Variants in EXT1 observed in about 807,000 individuals in gnomAD.
The protein encoded by EXT1 is exostosin-1.
A neutral mutation model predicts 82.5 loss-of-function variants in EXT1; 20 were observed. That is an observed-to-expected ratio of 0.24 (90% CI 0.17 to 0.35). EXT1 has a LOEUF of 0.35. EXT1 is among the 10% of genes least tolerant of loss of function. The pLI is 1.00. For synonymous variants in EXT1, 348 were observed against 350.8 expected (o/e 0.99, Z 0.09); for missense variants, 757 against 936.5 (o/e 0.81, Z 2.50).
chr8:118,013,089 C>CAG (rs1258686097), intron 1 of EXT1, among the ~76,000 whole-genome samples: 2 of 151,954 alleles, frequency 1.3e-5, no homozygotes, highest in African/African-American at 4.8e-5. Context: ...GGCTGGAGTA[C>CAG]AGTGGCACAA....
chr8:117,954,835 T>C (rs1337932592), intron 1 of EXT1, among the ~76,000 whole-genome samples: 1 of 152,198 alleles, frequency 6.6e-6, no homozygotes, highest in Admixed American at 6.5e-5. Flanking sequence ...CCTGGAAACC[T>C]ACTTGATATC....
intron 1 of EXT1, among the ~76,000 whole-genome samples, chr8:118,003,579 C>T (rs931546649): frequency 1.3e-5 from 2 of 152,148 alleles, no homozygotes; most frequent in African/African-American, 4.8e-5. Context: ...AGCTCAGATT[C>T]TGCCAATTGT....
intron 1 of EXT1, among the ~76,000 whole-genome samples, chr8:118,072,669 A>C (rs963633250): frequency 6.6e-6 from 1 of 152,130 alleles, no homozygotes; most frequent in Non-Finnish European, 1.5e-5. Context: ...CTGGCTGCAC[A>C]TTTTTTCTGT....
intron 1 of EXT1, among the ~76,000 whole-genome samples, chr8:117,908,316 A>G (rs1235933569): frequency 6.6e-6 from 1 of 152,172 alleles, no homozygotes; most frequent in Non-Finnish European, 1.5e-5. Flanking sequence ...CTCATTTTAC[A>G]ATAGGGTCAG....
At chr8:117,969,512 G>A (rs1325734833) in intron 1 of EXT1, among the ~76,000 whole-genome samples, 4 of 152,104 alleles carry the variant, frequency 2.6e-5, no homozygotes. Context: ...CACTTTTAAG[G>A]CTATTGTGAA....
chr8:117,839,713 C>T (rs1194410421), intron 1 of EXT1, among the ~76,000 whole-genome samples: 1 of 152,182 alleles, frequency 6.6e-6, no homozygotes, highest in Admixed American at 6.5e-5. Context: ...CTAGTTTGAC[C>T]ACGTGCTTGA....
intron 1 of EXT1, among the ~76,000 whole-genome samples, chr8:118,093,646 A>G (rs1439722049): frequency 2.0e-5 from 3 of 152,236 alleles, no homozygotes; most frequent in African/African-American, 7.2e-5. Flanking sequence ...TTGGTGGCCA[A>G]CACGGTATCA....
intron 1 of EXT1, 98 bp from the exon 2 acceptor site, chr8:117,837,299 G>C: frequency 1.0e-6 from 1 of 994,206 alleles, no homozygotes; most frequent in Non-Finnish European, 1.6e-6. Flanking sequence ...TTTACGCAAA[G>C]CAACTCGGGA....
intron 1 of EXT1, among the ~76,000 whole-genome samples, chr8:117,964,164 A>G (rs1019426633): frequency 8.5e-5 from 13 of 152,214 alleles, no homozygotes; most frequent in African/African-American, 3.1e-4. Flanking sequence ...AATTTACATT[A>G]TCTTTAAAGA....
intron 1 of EXT1, among the ~76,000 whole-genome samples, chr8:117,980,376 C>T (rs1213529285): frequency 6.6e-6 from 1 of 152,182 alleles, no homozygotes; most frequent in Non-Finnish European, 1.5e-5. Flanking sequence ...CATCTGCCAT[C>T]GCCACTGTCA....
chr8:118,026,727 A>G (rs1404552505), intron 1 of EXT1, among the ~76,000 whole-genome samples: 2 of 152,168 alleles, frequency 1.3e-5, no homozygotes, highest in African/African-American at 2.4e-5. Context: ...GAACAGCATT[A>G]GCTACTACAA....
At chr8:117,942,481 G>T (rs985220483) in intron 1 of EXT1, among the ~76,000 whole-genome samples, 6 of 152,192 alleles carry the variant, frequency 3.9e-5, no homozygotes, top group Non-Finnish European at 8.8e-5. Flanking sequence ...GGAGGCCGAG[G>T]TGGGCAGATC....
chr8:117,844,117 A>G (rs1812314723), intron 1 of EXT1, among the ~76,000 whole-genome samples: 1 of 138,476 alleles, frequency 7.2e-6, no homozygotes, highest in African/African-American at 2.8e-5. Flanking sequence ...TAAAGGTTTA[A>G]CAGTTTAAAA....
chr8:118,057,460 A>G (rs1481736886), intron 1 of EXT1, among the ~76,000 whole-genome samples: 2 of 152,136 alleles, frequency 1.3e-5, no homozygotes, highest in African/African-American at 4.8e-5. Context: ...GAATCACTTG[A>G]ACCCAGGAGG....
At chr8:118,026,086 C>A (rs1260347587) in intron 1 of EXT1, among the ~76,000 whole-genome samples, 1 of 152,116 alleles carries the variant, frequency 6.6e-6, no homozygotes, top group African/African-American at 2.4e-5. Context: ...AGTTACCCAG[C>A]GGTCACCATA....
At chr8:118,097,340 G>T (rs757241792) in intron 1 of EXT1, among the ~76,000 whole-genome samples, 1 of 152,104 alleles carries the variant, frequency 6.6e-6, no homozygotes, top group Non-Finnish European at 1.5e-5. Flanking sequence ...CCAGCTACTC[G>T]GGAGGCTGAG....
At chr8:117,902,367 G>A (rs1043813296) in intron 1 of EXT1, among the ~76,000 whole-genome samples, 4 of 152,302 alleles carry the variant, frequency 2.6e-5, no homozygotes, top group East Asian at 1.9e-4. Flanking sequence ...CAAGTACTAT[G>A]TACTGTACAT....
At chr8:118,109,992 T>C (rs1817864353) in intron 1 of EXT1, 93 bp downstream of exon 1, 1 of 1,596,092 alleles carries the variant, frequency 6.3e-7, no homozygotes, top group Non-Finnish European at 8.6e-7. Context: ...TGAGGGCTCA[T>C]CCGCCCTCAC....
At chr8:117,870,318 T>G (rs1192173307) in intron 1 of EXT1, among the ~76,000 whole-genome samples, 7 of 152,178 alleles carry the variant, frequency 4.6e-5, no homozygotes, top group Admixed American at 4.6e-4. Flanking sequence ...ATTGCCAAGG[T>G]GTAGGTCTCT....
Sources: allele counts gnomAD v4.1 joint callset (sites outside exome capture counted in the v4.1 genomes callset), GRCh38; gene constraint gnomAD v4.1.1; transcripts MANE v1.5; gene names NCBI Gene and HGNC (gene_info 2026-07-23, HGNC 2026-07-21).